ANXA7: variants seen among roughly 807,000 people sequenced by gnomAD.
ANXA7 encodes the protein annexin VII.
In ANXA7, 55 loss-of-function variants were observed where a neutral mutation model predicts 64.9. The ratio of observed to expected loss-of-function variants is 0.85; its 90% confidence interval spans 0.68 to 1.06. The LOEUF is 1.06. ANXA7 is among the 50% of genes least tolerant of loss of function. ANXA7 has a pLI of 0.00. For synonymous variants in ANXA7, 200 were observed against 192.4 expected, an observed-to-expected ratio of 1.04 and a Z score of -0.33; for missense variants, 548 against 582.1, an observed-to-expected ratio of 0.94 and a Z score of 0.60.
intron 7 of ANXA7, 57 bp downstream of exon 7, chr10:73,387,632 A>C: frequency 7.6e-7 from 1 of 1,323,082 alleles, no homozygotes; most frequent in Non-Finnish European, 1.1e-6. Context: ...CCAATCTGAC[A>C]TGAATGCAGA....
At chr10:73,397,310 G>A (rs2055592133) in intron 3 of ANXA7, 36 bp from the exon 4 acceptor site, 1 of 1,352,024 alleles carries the variant, frequency 7.4e-7, no homozygotes, top group Non-Finnish European at 1.0e-6. Flanking sequence ...CTATAGTACA[G>A]TTCTCATGAT....
chr10:73,406,912 C>T (rs544749969), intron 1 of ANXA7, among the ~76,000 whole-genome samples: 2 of 152,134 alleles, frequency 1.3e-5, no homozygotes, highest in African/African-American at 4.8e-5. Context: ...ACACCTAACC[C>T]TCAACGTGAA....
chr10:73,411,904 T>C (rs1448736484), intron 1 of ANXA7, among the ~76,000 whole-genome samples: 1 of 150,614 alleles, frequency 6.6e-6, no homozygotes, highest in African/African-American at 2.4e-5. Flanking sequence ...AACTGCATAG[T>C]GTGCTGCCAT....
At chr10:73,392,993 C>A (rs1289328988) in intron 5 of ANXA7, among the ~76,000 whole-genome samples, 1 of 152,198 alleles carries the variant, frequency 6.6e-6, no homozygotes, top group African/African-American at 2.4e-5. Context: ...TGATAAGCAA[C>A]TTCAGCAAAG....
intron 5 of ANXA7, among the ~76,000 whole-genome samples, chr10:73,394,882 T>G (rs1357705282): frequency 6.6e-6 from 1 of 152,202 alleles, no homozygotes; most frequent in East Asian, 1.9e-4. Flanking sequence ...TAAAAATAAG[T>G]TGCATAAGTA....
At chr10:73,388,781 G>T (rs1349195315) in intron 5 of ANXA7, among the ~76,000 whole-genome samples, 1 of 152,186 alleles carries the variant, frequency 6.6e-6, no homozygotes, top group Non-Finnish European at 1.5e-5. Flanking sequence ...TTTAAAAACA[G>T]AAGAATATAA....
chr10:73,397,126 A>T, intron 4 of ANXA7, 38 bp downstream of exon 4: 1 of 1,201,294 alleles, frequency 8.3e-7, no homozygotes, highest in Non-Finnish European at 1.1e-6. Context: ...AACTCAAAAT[A>T]TCATGATACT....
At chr10:73,391,500 TACTC>T (rs1283525400) in intron 5 of ANXA7, among the ~76,000 whole-genome samples, 1 of 151,308 alleles carries the variant, frequency 6.6e-6, no homozygotes, top group Non-Finnish European at 1.5e-5. Context: ...TAGTCCCAGT[TACTC>T]AGGAGGCTGA....
At chr10:73,395,303 A>G (rs1044667560) in intron 5 of ANXA7, among the ~76,000 whole-genome samples, 1 of 152,198 alleles carries the variant, frequency 6.6e-6, no homozygotes, top group Non-Finnish European at 1.5e-5. Context: ...CAATACTAGA[A>G]TCCTTCTCCT....
At chr10:73,389,677 G>C (rs554874695) in intron 5 of ANXA7, among the ~76,000 whole-genome samples, 1 of 152,308 alleles carries the variant, frequency 6.6e-6, no homozygotes, top group African/African-American at 2.4e-5. Context: ...TCAGGCTGGA[G>C]TGCAGTGGCA....
intron 4 of ANXA7, among the ~76,000 whole-genome samples, chr10:73,396,888 C>T (rs1418156277): frequency 6.6e-6 from 1 of 151,988 alleles, no homozygotes; most frequent in Admixed American, 6.6e-5. Flanking sequence ...GGTGGTTTTA[C>T]TATTGGTACA....
chr10:73,382,827 T>C (rs988061466), intron 9 of ANXA7, among the ~76,000 whole-genome samples: 1 of 152,206 alleles, frequency 6.6e-6, no homozygotes, highest in Non-Finnish European at 1.5e-5. Context: ...AGCACCTCTA[T>C]GGCAGTCCTG....
intron 1 of ANXA7, among the ~76,000 whole-genome samples, chr10:73,412,563 G>A (rs1354784834): frequency 6.8e-6 from 1 of 146,106 alleles, no homozygotes; most frequent in Non-Finnish European, 1.5e-5. Context: ...TGGCGATCTT[G>A]GCTCACTGCA....
intron 1 of ANXA7, among the ~76,000 whole-genome samples, chr10:73,410,860 T>C (rs1376977520): frequency 6.6e-6 from 1 of 151,276 alleles, no homozygotes; most frequent in African/African-American, 2.4e-5. Flanking sequence ...ATTACACTAC[T>C]ATACAGCCTC....
At chr10:73,408,679 A>G (rs1367843003) in intron 1 of ANXA7, among the ~76,000 whole-genome samples, 1 of 152,218 alleles carries the variant, frequency 6.6e-6, no homozygotes, top group Non-Finnish European at 1.5e-5. Context: ...TTTGAAAAAT[A>G]ATTATATAAA....
At chr10:73,388,537 G>A in intron 5 of ANXA7, 123 bp from the exon 6 acceptor site, 1 of 688,778 alleles carries the variant, frequency 1.5e-6, no homozygotes, top group Non-Finnish European at 2.5e-6. Context: ...TTAAGGCAAG[G>A]ATATGAGCAT....
intron 6 of ANXA7, 109 bp from the exon 7 acceptor site, chr10:73,387,892 TG>T (rs3834897): frequency 0.082 from 71,352 of 866,040 alleles, 5,344 homozygotes; most frequent in East Asian, 0.28. Context: ...TCACCCAGAC[TG>T]GGGGTGCAAG....
rs768455382 is a variant in ANXA7 at position 73,383,297 on chromosome 10, T to C, written c.796A>G (p.Thr266Ala). The C allele has an allele frequency of 5.0e-6, 8 of 1,614,172 alleles. No homozygotes were observed. The Admixed American group carries it at 1.0e-4, about 20-fold the overall frequency. ...ACAATTTCTCGGATTTCCTGATTTG[T>C]TCTTGTGCACAAAATCTCAATCAAT... ...RVLIEILCTRTNQEIREIVRC... is the reference protein window; with the variant it reads ...RVLIEILCTRANQEIREIVRC... Residue 266 changes from threonine (T) to alanine (A), a missense_variant, in exon 9 of 13, where the codon ACA (threonine) becomes GCA (alanine). Thr to Ala is a moderately conservative substitution (Grantham distance 58). Transcript: ENST00000372921.
In ANXA7 at chr10:73,395,364, T is replaced by C. The variant is rs567630838; in HGVS notation, c.435+1155A>G. Among the ~76,000 whole-genome samples, 245 of 152,302 alleles carry C rather than the reference T, an allele frequency of 1.6e-3. 1 individual carries two copies. Among genetic ancestry groups the C allele is most frequent in the Non-Finnish European group, 3.0e-3 (206 of 68,018 alleles). On this transcript the variant is annotated intron_variant, in intron 5 of 12. Coordinates refer to ENST00000372921, the MANE Select transcript of ANXA7 (RefSeq NM_001156.5). Reference sequence around the variant, plus strand: ...ATGCTAGACATTCATGAATATCCAATATAGAAATCAATAAGAAAATCAAAA... The same window carrying C: ...ATGCTAGACATTCATGAATATCCAACATAGAAATCAATAAGAAAATCAAAA...
Sources: allele counts gnomAD v4.1 joint callset (sites outside exome capture counted in the v4.1 genomes callset), GRCh38; gene constraint gnomAD v4.1.1; transcripts MANE v1.5; gene names NCBI Gene and HGNC (gene_info 2026-07-23, HGNC 2026-07-21).